CLEC17A: variants seen among roughly 807,000 people sequenced by gnomAD.
CLEC17A encodes C-type lectin domain family 17, member A.
CLEC17A carries 37 observed loss-of-function variants against 61.3 expected under a neutral mutation model. The ratio of observed to expected loss-of-function variants is 0.60; its 90% CI spans 0.46 to 0.79. The LOEUF (loss-of-function observed/expected upper bound fraction) is 0.79. CLEC17A is among the 30% of genes least tolerant of loss of function. The probability of loss-of-function intolerance (pLI) is 0.00; values close to 1 mark genes in which losing one functional copy is unlikely to be tolerated. For synonymous variants in CLEC17A, 168 were observed against 164.9 expected (o/e 1.02, Z -0.14); for missense variants, 418 against 464.7 (o/e 0.90, Z 0.92).
intron 12 of CLEC17A, among the ~76,000 whole-genome samples, chr19:14,603,768 A>C (rs895620215): frequency 6.6e-6 from 1 of 152,060 alleles, no homozygotes; most frequent in African/African-American, 2.4e-5. Context: ...GCCCTAACCC[A>C]TAGCTCACTT....
intron 4 of CLEC17A, among the ~76,000 whole-genome samples, chr19:14,593,821 G>A (rs1166741581): frequency 1.3e-5 from 2 of 151,982 alleles, no homozygotes; most frequent in Non-Finnish European, 2.9e-5. Context: ...AATTAGCTGG[G>A]TGTGGTGGTG....
At chr19:14,601,288 C>G (rs991119715) in intron 12 of CLEC17A, among the ~76,000 whole-genome samples, 1 of 152,122 alleles carries the variant, frequency 6.6e-6, no homozygotes, top group Non-Finnish European at 1.5e-5. Flanking sequence ...CATTGACTGT[C>G]AGAGTTTCCA....
intron 12 of CLEC17A, among the ~76,000 whole-genome samples, chr19:14,606,009 T>A (rs2074857263): frequency 6.6e-6 from 1 of 152,112 alleles, no homozygotes; most frequent in African/African-American, 2.4e-5. Context: ...GTGGTGGGAT[T>A]ACAGATATGA....
At chr19:14,585,969 A>T (rs1363554435) in intron 2 of CLEC17A, among the ~76,000 whole-genome samples, 1 of 151,976 alleles carries the variant, frequency 6.6e-6, no homozygotes, top group East Asian at 1.9e-4. Context: ...TCCCCTTAAC[A>T]TCTTGTTACA....
intron 12 of CLEC17A, among the ~76,000 whole-genome samples, chr19:14,603,750 G>A (rs1277998016): frequency 6.6e-6 from 1 of 152,064 alleles, no homozygotes; most frequent in Non-Finnish European, 1.5e-5. Flanking sequence ...ACAGGAGTGA[G>A]CCACCGTGCC....
intron 8 of CLEC17A, 147 bp downstream of exon 8, chr19:14,595,462 T>C: frequency 1.2e-6 from 1 of 801,934 alleles, no homozygotes; most frequent in East Asian, 2.6e-5. Flanking sequence ...GTTAGTCTAG[T>C]GAGCGCTGCT....
chr19:14,609,508 C>T (rs1265389955), intron 13 of CLEC17A, among the ~76,000 whole-genome samples: 1 of 152,140 alleles, frequency 6.6e-6, no homozygotes. Flanking sequence ...AAGAAAGAGT[C>T]CTTGGAAGAC....
At chr19:14,585,174 A>C (rs1001730432) in intron 2 of CLEC17A, among the ~76,000 whole-genome samples, 2 of 152,118 alleles carry the variant, frequency 1.3e-5, no homozygotes, top group Admixed American at 1.3e-4. Flanking sequence ...CAGAGAATTT[A>C]AAAAAAATAT....
chr19:14,585,876 G>T lies in CLEC17A; in HGVS notation c.122-1738G>T, dbSNP rs538166786. 1.8e-4 allele frequency among the ~76,000 whole-genome samples: 27 copies of T among 148,072 alleles called. No homozygotes were observed. In the South Asian group the frequency reaches 5.8e-3, roughly 32 times the overall value. The stretch of plus-strand genomic sequence containing the variant: ...GGTTGTTTTAAGTCACTGCGTTTTG[G>T]GGTAATTGGTTGTGCAGCCATAGAT... On this transcript the variant is annotated intron_variant, in intron 2 of 13. Coordinates refer to ENST00000417570, the MANE Select transcript of CLEC17A (RefSeq NM_001204118.2).
At position 14,610,313 on chromosome 19, in the gene CLEC17A, A is replaced by G. The variant is rs1271730286; in HGVS notation, c.*117A>G. The stretch of plus-strand genomic sequence containing the variant: ...GTGGACACACAGATGTGCCTCAAAC[A>G]GGATTGGCACCCTGGATGCAGCAAG... On this transcript the variant is annotated 3_prime_UTR_variant, in exon 14 of 14. Transcript: ENST00000417570. The G allele has an allele frequency of 1.4e-6, 2 of 1,411,316 alleles. No individual in the cohort carries two copies. Among genetic ancestry groups the G allele is most frequent in the Non-Finnish European group, 1.9e-6 (2 of 1,052,108 alleles). The allele number at this position is 1,411,316 out of a possible 1,614,324, so 87.4% of individuals were successfully genotyped here.
At chr19:14,609,895 A>C (rs2075006401) in intron 13 of CLEC17A, among the ~76,000 whole-genome samples, 169 bp from the exon 14 acceptor site, 3 of 152,142 alleles carry the variant, frequency 2.0e-5, no homozygotes, top group Non-Finnish European at 4.4e-5. Flanking sequence ...ATTAAGGGCC[A>C]GGCACGGTGG....
intron 12 of CLEC17A, among the ~76,000 whole-genome samples, chr19:14,603,183 A>C (rs8109888): frequency 0.012 from 1,834 of 152,280 alleles, 35 homozygotes; most frequent in African/African-American, 0.042. Context: ...TTCTGCTAGA[A>C]TGGTGTACAT....
chr19:14,605,430 G>A (rs73504166), intron 12 of CLEC17A, among the ~76,000 whole-genome samples: 21,698 of 152,050 alleles, frequency 0.14, 1,683 homozygotes, highest in East Asian at 0.21. Flanking sequence ...TGGTTTGGTG[G>A]TAAGTTGGGT....
rs755048797 is a variant in CLEC17A at position 14,594,770 on chromosome 19, G to A, written c.373G>A (p.Ala125Thr). The change falls in exon 7 of 14, where the codon GCC (alanine) becomes ACC (threonine). Residue 125 changes from alanine to threonine, a missense_variant. Transcript: ENST00000417570. ...CTCATCTCTTCTAGGCCTGGACCTC[G>A]CCGCTGTCACCTGTCCACCTCCTCA... ...KPRNMTGLDL[A>T]AVTCPPPQLA... 8.1e-6 allele frequency: 13 copies of A among 1,613,746 alleles called. No individual in the cohort carries two copies. The African/African-American group carries it at 1.1e-4, about 13-fold the overall frequency.
At chr19:14,582,764 C>T (rs563808089), upstream of CLEC17A, among the ~76,000 whole-genome samples, 5 of 152,004 alleles carry the variant, frequency 3.3e-5, no homozygotes, top group African/African-American at 1.2e-4. Context: ...CCTGCCACTG[C>T]GCCTGGCTAA....
At chr19:14,582,157 C>T (rs2074189153), upstream of CLEC17A, among the ~76,000 whole-genome samples, 2 of 152,124 alleles carry the variant, frequency 1.3e-5, no homozygotes, top group African/African-American at 4.8e-5. Context: ...GACCACATTG[C>T]CTTTTTTTTG....
upstream of CLEC17A, among the ~76,000 whole-genome samples, chr19:14,581,624 G>A (rs1002188486): frequency 2.7e-5 from 4 of 150,168 alleles, no homozygotes; most frequent in East Asian, 2.0e-4. Context: ...GAGCCACCGC[G>A]CCTGGCCAGA....
upstream of CLEC17A, among the ~76,000 whole-genome samples, chr19:14,582,275 C>T (rs182031436): frequency 1.2e-4 from 18 of 145,414 alleles, no homozygotes; most frequent in East Asian, 6.3e-4. Flanking sequence ...TGCAGTGGTG[C>T]GATCTCGGCT....
chr19:14,605,829 C>G (rs1288329093), intron 12 of CLEC17A, among the ~76,000 whole-genome samples: 1 of 152,132 alleles, frequency 6.6e-6, no homozygotes, highest in Non-Finnish European at 1.5e-5. Context: ...GCCTTGAACT[C>G]CTGGGCTTAA....
Sources: allele counts gnomAD v4.1 joint callset (sites outside exome capture counted in the v4.1 genomes callset), GRCh38; gene constraint gnomAD v4.1.1; transcripts MANE v1.5; gene names NCBI Gene and HGNC (gene_info 2026-07-23, HGNC 2026-07-21).